FSTL4: variants seen among roughly 807,000 people sequenced by gnomAD.
The protein encoded by FSTL4 is follistatin-related protein 4.
In FSTL4, 28 loss-of-function variants were observed where a neutral mutation model predicts 78.2. That is an observed-to-expected ratio of 0.36 (90% CI 0.27 to 0.49). The LOEUF (loss-of-function observed/expected upper bound fraction) is 0.49. FSTL4 is among the 20% of genes least tolerant of loss of function. FSTL4 has a pLI of 0.98. For missense variants in FSTL4, 922 were observed against 1,084.9 expected, an observed-to-expected ratio of 0.85 and a Z score of 2.11; for synonymous variants, 422 against 440.5, an observed-to-expected ratio of 0.96 and a Z score of 0.53.
At chr5:133,465,511 G>A (rs530139155) in intron 3 of FSTL4, among the ~76,000 whole-genome samples, 1 of 152,248 alleles carries the variant, frequency 6.6e-6, no homozygotes, top group Non-Finnish European at 1.5e-5. Context: ...CCAGCCCATG[G>A]TGGGAGCGGT....
At chr5:133,585,038 A>G (rs1760504302) in intron 2 of FSTL4, among the ~76,000 whole-genome samples, 1 of 15,954 alleles carries the variant, frequency 6.3e-5, no homozygotes, top group African/African-American at 2.3e-4. Flanking sequence ...ACTAAGCTTC[A>G]TAAGTGAAGG....
chr5:133,818,966 C>T, the FSTL4 span, among the ~76,000 whole-genome samples: 41 of 46,774 alleles, frequency 8.8e-4, no homozygotes, highest in African/African-American at 2.6e-3. Flanking sequence ...CACACACGTA[C>T]GCATGCACAC....
chr5:133,838,218 C>G, the FSTL4 span, among the ~76,000 whole-genome samples: 1 of 152,200 alleles, frequency 6.6e-6, no homozygotes, highest in Non-Finnish European at 1.5e-5. Flanking sequence ...AATCTTGGCC[C>G]TTTGAGCCAA....
At position 133,455,229 on chromosome 5, in the gene FSTL4, T is replaced by C. The variant is rs572173388; in HGVS notation, c.161-54243A>G. On this transcript the variant is annotated intron_variant, in intron 3 of 15. Coordinates refer to ENST00000265342, the MANE Select transcript of FSTL4 (RefSeq NM_015082.2). ...ATTTCCTCCTCTTTATTCCTTCATC[T>C]ACCCAGGCTCCTCTTCTTGGTACTT... 7.1e-4 allele frequency among the ~76,000 whole-genome samples: 108 copies of C among 152,348 alleles called. 1 individual carries two copies. Among genetic ancestry groups the C allele is most frequent in the African/African-American group, 2.5e-3 (106 of 41,590 alleles).
intron 4 of FSTL4, among the ~76,000 whole-genome samples, chr5:133,335,718 G>C (rs183876370): frequency 4.7e-4 from 71 of 151,236 alleles, no homozygotes; most frequent in Middle Eastern, 3.4e-3. Context: ...TTCTGCACTT[G>C]ACTTTCAACA....
At chr5:133,211,482 T>C (rs1293517774) in intron 13 of FSTL4, among the ~76,000 whole-genome samples, 1 of 152,178 alleles carries the variant, frequency 6.6e-6, no homozygotes, top group Admixed American at 6.5e-5. Flanking sequence ...TTATACTTTG[T>C]TTTATTTCAC....
intron 11 of FSTL4, 57 bp from the exon 12 acceptor site, chr5:133,220,923 TC>T (rs1751080555): frequency 1.0e-6 from 1 of 979,852 alleles, no homozygotes; most frequent in African/African-American, 1.6e-5. Context: ...CTGGGCAGGG[TC>T]ACACGCAGCA....
intron 3 of FSTL4, among the ~76,000 whole-genome samples, chr5:133,413,572 T>C (rs990367663): frequency 2.6e-5 from 4 of 152,220 alleles, no homozygotes; most frequent in Non-Finnish European, 5.9e-5. Flanking sequence ...TGAGGATTTC[T>C]ATCTTTCATC....
chr5:133,278,636 T>C (rs1184517874), intron 6 of FSTL4, among the ~76,000 whole-genome samples: 2 of 152,200 alleles, frequency 1.3e-5, no homozygotes, highest in Admixed American at 6.5e-5. Context: ...AGGAAACCTC[T>C]TGGCGGACAT....
chr5:133,573,947 A>G (rs986967570), intron 2 of FSTL4, among the ~76,000 whole-genome samples: 9 of 152,240 alleles, frequency 5.9e-5, no homozygotes, highest in Non-Finnish European at 1.2e-4. Context: ...CTAAGTCTCT[A>G]TAAGATATCA....
intron 3 of FSTL4, chr5:133,427,753 C>T (rs944489359): frequency 1.0e-5 from 5 of 491,644 alleles, no homozygotes; most frequent in East Asian, 5.8e-5. Context: ...TGTTGAGAAG[C>T]CCTACAGGGT....
At chr5:133,399,046 G>A (rs1756151701) in intron 4 of FSTL4, among the ~76,000 whole-genome samples, 3 of 152,122 alleles carry the variant, frequency 2.0e-5, no homozygotes, top group African/African-American at 7.2e-5. Context: ...GTTTTGTGGT[G>A]GCTGGTTTTT....
At chr5:133,716,984 G>A in the FSTL4 span, among the ~76,000 whole-genome samples, 1 of 152,126 alleles carries the variant, frequency 6.6e-6, no homozygotes, top group Non-Finnish European at 1.5e-5. Context: ...CCCTTATCTG[G>A]TTCCTAAAAA....
the FSTL4 span, among the ~76,000 whole-genome samples, chr5:133,628,533 A>AT: frequency 2.0e-5 from 3 of 151,672 alleles, no homozygotes; most frequent in Non-Finnish European, 4.4e-5. Flanking sequence ...CTAATTTTGT[A>AT]TTTTTTAGTA....
chr5:133,362,932 T>C (rs1755102503), intron 4 of FSTL4, among the ~76,000 whole-genome samples: 1 of 152,230 alleles, frequency 6.6e-6, no homozygotes, highest in Non-Finnish European at 1.5e-5. Flanking sequence ...TTCTTTTCTA[T>C]TTCATCTTAA....
At chr5:133,578,578 A>G (rs550420778) in intron 2 of FSTL4, among the ~76,000 whole-genome samples, 1 of 152,380 alleles carries the variant, frequency 6.6e-6, no homozygotes, top group South Asian at 2.1e-4. Flanking sequence ...CAGAAAAGAA[A>G]GCAAAAGGAT....
chr5:133,718,270 A>C, the FSTL4 span, among the ~76,000 whole-genome samples: 1 of 151,998 alleles, frequency 6.6e-6, no homozygotes, highest in South Asian at 2.1e-4. Flanking sequence ...TAGTAGAGAC[A>C]AGGTTTCACT....
the FSTL4 span, among the ~76,000 whole-genome samples, chr5:133,698,713 A>T: frequency 6.6e-6 from 1 of 152,232 alleles, no homozygotes. Flanking sequence ...GTAAGTGAGG[A>T]GATCTCAGGA....
At chr5:133,335,101 G>A (rs1044426953) in intron 4 of FSTL4, among the ~76,000 whole-genome samples, 2 of 152,192 alleles carry the variant, frequency 1.3e-5, no homozygotes, top group South Asian at 2.1e-4. Context: ...GTGCTGACAC[G>A]GCACCACCTC....
Sources: allele counts gnomAD v4.1 joint callset (sites outside exome capture counted in the v4.1 genomes callset), GRCh38; gene constraint gnomAD v4.1.1; transcripts MANE v1.5; gene names NCBI Gene and HGNC (gene_info 2026-07-23, HGNC 2026-07-21).